The following FOXN3 variants were observed in gnomAD, a reference collection of about 807,000 sequenced individuals.
FOXN3 encodes forkhead box protein N3.
Under a neutral mutation model 38.4 loss-of-function variants are expected in FOXN3, and 7 were observed. The ratio of observed to expected loss-of-function variants is 0.18; its 90% CI spans 0.10 to 0.34. The LOEUF (loss-of-function observed/expected upper bound fraction) is 0.34, where lower values mean the gene tolerates loss of function less well. Ranked by LOEUF, FOXN3 falls within the 10% of genes least tolerant of loss-of-function variation. The probability of loss-of-function intolerance (pLI) is 1.00; values close to 1 mark genes in which losing one functional copy is unlikely to be tolerated. For synonymous variants in FOXN3, 230 were observed against 242.2 expected (o/e 0.95, Z 0.47); for missense variants, 456 against 613.4 (o/e 0.74, Z 2.71).
chr14:89,585,907 A>G (rs1895832147), intron 1 of FOXN3, among the ~76,000 whole-genome samples: 1 of 152,146 alleles, frequency 6.6e-6, no homozygotes, highest in South Asian at 2.1e-4. Flanking sequence ...GATGCTAGAG[A>G]TTGCAGGGTT....
chr14:89,240,666 T>C (rs1885114009), intron 4 of FOXN3, among the ~76,000 whole-genome samples: 1 of 152,250 alleles, frequency 6.6e-6, no homozygotes, highest in Non-Finnish European at 1.5e-5. Flanking sequence ...TGTCAAATGA[T>C]ACAGAGGAAA....
chr14:89,269,794 G>A (rs1035891108), intron 4 of FOXN3, among the ~76,000 whole-genome samples: 11 of 151,930 alleles, frequency 7.2e-5, no homozygotes, highest in Admixed American at 5.9e-4. Context: ...CATGAACCCC[G>A]ACTATGCTTG....
At chr14:89,206,803 T>C (rs1888397917) in intron 4 of FOXN3, among the ~76,000 whole-genome samples, 1 of 152,224 alleles carries the variant, frequency 6.6e-6, no homozygotes, top group Admixed American at 6.5e-5. Context: ...AACATTCTTC[T>C]AGAAAGAGTT....
At chr14:89,581,213 G>A (rs1895731869) in intron 1 of FOXN3, among the ~76,000 whole-genome samples, 2 of 151,968 alleles carry the variant, frequency 1.3e-5, no homozygotes, top group African/African-American at 4.8e-5. Flanking sequence ...TGGGTGCGGT[G>A]GCTCACGGCC....
chr14:89,397,959 C>T (rs1179117475), intron 2 of FOXN3, among the ~76,000 whole-genome samples: 2 of 152,202 alleles, frequency 1.3e-5, no homozygotes, highest in Non-Finnish European at 2.9e-5. Context: ...TCTGGACAAG[C>T]CACGTCTGAT....
intron 3 of FOXN3, among the ~76,000 whole-genome samples, chr14:89,309,898 T>G (rs1002771316): frequency 1.3e-5 from 2 of 152,346 alleles, no homozygotes; most frequent in Admixed American, 6.5e-5. Context: ...TCCGCTGCCT[T>G]AAGTCACCAA....
chr14:89,238,327 T>G (rs575310801), intron 4 of FOXN3, among the ~76,000 whole-genome samples: 25 of 152,230 alleles, frequency 1.6e-4, no homozygotes, highest in Admixed American at 1.1e-3. Flanking sequence ...TGGATCAAAC[T>G]GATGTACCGC....
chr14:89,610,930 A>C (rs1272846088), intron 1 of FOXN3, among the ~76,000 whole-genome samples: 1 of 152,244 alleles, frequency 6.6e-6, no homozygotes, highest in Non-Finnish European at 1.5e-5. Flanking sequence ...GTGAAATATT[A>C]ATTAGTTCCA....
rs191216217 is a variant in FOXN3 at position 89,451,534 on chromosome 14, G to A, written c.-14-39044C>T. 3.1e-3 allele frequency among the ~76,000 whole-genome samples: 472 copies of A among 152,098 alleles called. 4 individuals carry two copies. The highest frequency in any genetic ancestry group is 0.011 in the African/African-American group (442 of 41,496). On this transcript the variant is annotated intron_variant, in intron 1 of 6. Coordinates refer to the FOXN3 transcript ENST00000345097. ...TAGATTGATATAATTTCAGTTCTTC[G>A]TGTTACGTGTCAGTAACTTGTCACC...
intron 3 of FOXN3, among the ~76,000 whole-genome samples, chr14:89,309,329 G>A (rs1159716294): frequency 6.6e-6 from 1 of 152,138 alleles, no homozygotes; most frequent in Admixed American, 6.6e-5. Context: ...ACGAGATTGG[G>A]GTTAGGGGAG....
Position 89,164,375 on chromosome 14 carries a change from C to A in FOXN3, c.852-1406G>T, listed in dbSNP as rs141825295. 2.5e-3 allele frequency among the ~76,000 whole-genome samples: 384 copies of A among 152,250 alleles called. 4 individuals carry two copies. Among genetic ancestry groups the A allele is most frequent in the Non-Finnish European group, 3.3e-3 (223 of 68,004 alleles). ...ACTGTTCTATGGCACCATGCTGGCC[C>A]GGTTTCCTGTAAGCTCATCTACCTC... is the stretch of plus-strand genomic sequence containing the variant. On this transcript the variant is annotated intron_variant, in intron 5 of 5. Transcript: ENST00000557258. This position sits in a 1 kb window ranked among gnomAD's most constrained non-coding sequence, Gnocchi z 4.3.
intron 4 of FOXN3, among the ~76,000 whole-genome samples, chr14:89,277,775 T>C (rs1226044970): frequency 6.6e-6 from 1 of 152,230 alleles, no homozygotes; most frequent in Admixed American, 6.5e-5. Flanking sequence ...TCAACTTTGC[T>C]TCAGGTTTTA....
At chr14:89,226,484 C>A (rs1884645181) in intron 4 of FOXN3, among the ~76,000 whole-genome samples, 1 of 152,112 alleles carries the variant, frequency 6.6e-6, no homozygotes, top group Non-Finnish European at 1.5e-5. Context: ...CTATGTTACC[C>A]AGGCTGGTCT....
chr14:89,436,565 C>T (rs1353892170), intron 1 of FOXN3, among the ~76,000 whole-genome samples: 1 of 152,162 alleles, frequency 6.6e-6, no homozygotes, highest in Non-Finnish European at 1.5e-5. Context: ...GCATGGGGTT[C>T]GTCGAATGGG....
At chr14:89,506,031 A>G (rs1416116456) in intron 1 of FOXN3, among the ~76,000 whole-genome samples, 1 of 145,642 alleles carries the variant, frequency 6.9e-6, no homozygotes, top group African/African-American at 2.6e-5. Flanking sequence ...GGTGGGGGTC[A>G]GCCCCCGGCC....
At chr14:89,492,940 G>A (rs773603137) in intron 1 of FOXN3, among the ~76,000 whole-genome samples, 7 of 152,180 alleles carry the variant, frequency 4.6e-5, no homozygotes, top group African/African-American at 1.2e-4. Flanking sequence ...CTCCACATGC[G>A]TGGGTGCTCA....
chr14:89,459,080 C>T (rs1263823699), intron 1 of FOXN3, among the ~76,000 whole-genome samples: 3 of 151,912 alleles, frequency 2.0e-5, no homozygotes, highest in African/African-American at 7.3e-5. Flanking sequence ...CACAAACTAG[C>T]AGTTGGGCAT....
intron 3 of FOXN3, among the ~76,000 whole-genome samples, chr14:89,308,205 A>G (rs1024559279): frequency 2.6e-5 from 4 of 152,232 alleles, no homozygotes; most frequent in African/African-American, 9.6e-5. Flanking sequence ...GTGAGGCTTC[A>G]GTGAGCAGAG....
chr14:89,235,783 G>A (rs891692405), intron 4 of FOXN3, among the ~76,000 whole-genome samples: 2 of 152,094 alleles, frequency 1.3e-5, no homozygotes, highest in African/African-American at 4.8e-5. Context: ...TGGAGGATGG[G>A]GCCACAAGTC....
Sources: allele counts gnomAD v4.1 joint callset (sites outside exome capture counted in the v4.1 genomes callset), GRCh38; gene constraint gnomAD v4.1.1; non-coding constraint Gnocchi (gnomAD v3.1); transcripts MANE v1.5; gene names NCBI Gene and HGNC (gene_info 2026-07-23, HGNC 2026-07-21).